Variants in DLC1 observed in about 807,000 individuals in gnomAD.
DLC1 encodes the protein rho GTPase-activating protein 7.
DLC1 carries 54 observed loss-of-function variants against 140.3 expected under a neutral mutation model. That is an observed-to-expected ratio of 0.38 (90% confidence interval 0.31 to 0.48). The LOEUF (loss-of-function observed/expected upper bound fraction) is 0.48, where lower values mean the gene tolerates loss of function less well. Among genes scored for constraint, DLC1 ranks in the 20% least tolerant of loss-of-function variants. The probability of loss-of-function intolerance (pLI) is 0.96; values close to 1 mark genes in which losing one functional copy is unlikely to be tolerated. For synonymous variants in DLC1, 986 were observed against 728.1 expected (o/e 1.35, Z -5.70); for missense variants, 2,536 against 1,907.0 (o/e 1.33, Z -6.14).
chr8:13,356,781 G>A (rs182533905), intron 4 of DLC1, among the ~76,000 whole-genome samples: 4 of 152,076 alleles, frequency 2.6e-5, no homozygotes, highest in African/African-American at 9.7e-5. Flanking sequence ...AGGAATTGGG[G>A]TCTCCGTACT....
chr8:13,592,835 T>G (rs760202035), intron 1 of DLC1, among the ~76,000 whole-genome samples: 3 of 152,128 alleles, frequency 2.0e-5, no homozygotes, highest in Non-Finnish European at 4.4e-5. Flanking sequence ...GATTTGTCTC[T>G]GTTACACACA....
At chr8:13,570,007 C>G (rs1038428434) in intron 1 of DLC1, among the ~76,000 whole-genome samples, 1 of 152,310 alleles carries the variant, frequency 6.6e-6, no homozygotes, top group Non-Finnish European at 1.5e-5. Flanking sequence ...ATTGCAGGCA[C>G]GAGCCACTGT....
intron 4 of DLC1, among the ~76,000 whole-genome samples, chr8:13,307,438 G>T (rs1832492879): frequency 1.3e-5 from 2 of 152,118 alleles, no homozygotes; most frequent in African/African-American, 2.4e-5. Flanking sequence ...TGATCCTACA[G>T]TTTTGGTAAT....
intron 3 of DLC1, among the ~76,000 whole-genome samples, chr8:13,400,176 G>C (rs942841773): frequency 6.6e-6 from 1 of 152,136 alleles, no homozygotes; most frequent in African/African-American, 2.4e-5. Flanking sequence ...TGAGGGCTTT[G>C]GGATATGTCT....
At chr8:13,333,316 C>T (rs576169624) in intron 4 of DLC1, among the ~76,000 whole-genome samples, 2 of 152,200 alleles carry the variant, frequency 1.3e-5, no homozygotes, top group East Asian at 1.9e-4. Flanking sequence ...GCTTGGAACA[C>T]CTGGGCTCAA....
At chr8:13,151,856 G>A (rs1004528339) in intron 5 of DLC1, among the ~76,000 whole-genome samples, 8 of 151,960 alleles carry the variant, frequency 5.3e-5, no homozygotes, top group African/African-American at 7.3e-5. Context: ...ATTTATTGTC[G>A]GTAAAAGTTA....
chr8:13,593,177 C>T (rs946368203), intron 1 of DLC1, among the ~76,000 whole-genome samples: 29 of 152,128 alleles, frequency 1.9e-4, no homozygotes, highest in African/African-American at 7.0e-4. Flanking sequence ...TTATTAGCAG[C>T]AGGCCAAGAG....
chr8:13,154,407 G>C (rs1048372424), intron 5 of DLC1, among the ~76,000 whole-genome samples: 1 of 152,196 alleles, frequency 6.6e-6, no homozygotes, highest in Non-Finnish European at 1.5e-5. Context: ...AGTGCTGGGG[G>C]ACCCGGCGCC....
chr8:13,483,954 G>A lies in DLC1; in HGVS notation c.1023+15095C>T, dbSNP rs552476154. Among the ~76,000 whole-genome samples the A allele has an allele frequency of 3.1e-3, 448 of 145,926 alleles. 8 individuals carry two copies. The highest frequency in any genetic ancestry group is 0.012 in the African/African-American group (439 of 38,136). ...GAAAAAAGCCAGGTGTGGTAGCATC[G>A]CCTGTAGTCTAGCTACTAGGGAGGC... On this transcript the variant is annotated intron_variant, in intron 2 of 17. Coordinates refer to ENST00000276297, the MANE Select transcript of DLC1 (RefSeq NM_182643.3).
intron 4 of DLC1, among the ~76,000 whole-genome samples, chr8:13,385,750 C>T (rs1176659447): frequency 6.6e-6 from 1 of 152,140 alleles, no homozygotes; most frequent in African/African-American, 2.4e-5. Flanking sequence ...TCTGTGTAAA[C>T]TTTGTATATT....
At chr8:13,225,091 T>C (rs2117174289) in intron 5 of DLC1, among the ~76,000 whole-genome samples, 1 of 152,330 alleles carries the variant, frequency 6.6e-6, no homozygotes, top group South Asian at 2.1e-4. Context: ...TAGAGGATGT[T>C]TGATAGGGCA....
At chr8:13,266,747 AAAAAC>A (rs1364962340) in intron 5 of DLC1, among the ~76,000 whole-genome samples, 1 of 152,108 alleles carries the variant, frequency 6.6e-6, no homozygotes, top group African/African-American at 2.4e-5. Context: ...TTAGTATTAA[AAAAAC>A]AAAACAAAAC....
In DLC1 at chr8:13,092,784, T is replaced by G; in HGVS notation, c.3568A>C (p.Ile1190Leu). ...DQRLQAIKAAIMLLPDENREV... is the reference protein window; with the variant it reads ...DQRLQAIKAALMLLPDENREV... ...CGGTTCTCGTCAGGCAGCAGCATGA[T>G]GGCAGCCTTGATGGCCTGCAGGCGC... The change falls in exon 13 of 18, where the codon ATC becomes CTC. Residue 1190 changes from isoleucine (I) to leucine (L), a missense_variant. By Grantham distance (5) the Ile-to-Leu change is conservative (BLOSUM62 2). Coordinates refer to ENST00000276297, the MANE Select transcript of DLC1 (RefSeq NM_182643.3). 1 of 1,614,088 alleles carries G rather than the reference T, an allele frequency of 6.2e-7. No individual in the cohort carries two copies. The highest frequency in any genetic ancestry group is 8.5e-7 in the Non-Finnish European group (1 of 1,179,996).
At chr8:13,323,210 A>G (rs533449056) in intron 4 of DLC1, among the ~76,000 whole-genome samples, 1 of 152,344 alleles carries the variant, frequency 6.6e-6, no homozygotes, top group East Asian at 1.9e-4. Flanking sequence ...TTATGGGGAA[A>G]TTTGCTATGC....
At chr8:13,423,152 C>G (rs1838393969) in intron 2 of DLC1, among the ~76,000 whole-genome samples, 4 of 152,136 alleles carry the variant, frequency 2.6e-5, no homozygotes. Context: ...CCTTGTCTAC[C>G]AAGTTTGGCA....
chr8:13,235,685 G>A (rs138153875), intron 5 of DLC1, among the ~76,000 whole-genome samples: 1 of 151,776 alleles, frequency 6.6e-6, no homozygotes, highest in African/African-American at 2.4e-5. Flanking sequence ...ATTAAATCTT[G>A]CCCCAGAAAT....
At chr8:13,280,089 C>A (rs1410425952) in intron 5 of DLC1, among the ~76,000 whole-genome samples, 3 of 150,174 alleles carry the variant, frequency 2.0e-5, no homozygotes, top group Admixed American at 6.7e-5. Context: ...ACCATCCTGG[C>A]TAACACAGTG....
chr8:13,429,996 A>G (rs1220705032), intron 2 of DLC1, among the ~76,000 whole-genome samples: 1 of 152,178 alleles, frequency 6.6e-6, no homozygotes, highest in Non-Finnish European at 1.5e-5. Flanking sequence ...TAAACATTAG[A>G]TTCACCTCGA....
chr8:13,106,059 T>TAG (rs1819538324), intron 7 of DLC1, among the ~76,000 whole-genome samples: 1 of 152,176 alleles, frequency 6.6e-6, no homozygotes, highest in Non-Finnish European at 1.5e-5. Context: ...GTGTCCCTCT[T>TAG]ATCTCCTGGG....
Sources: gnomAD v4.1 joint callset for allele counts (sites outside exome capture counted in the v4.1 genomes callset) on GRCh38, gnomAD v4.1.1 for gene constraint, MANE v1.5 for transcripts, NCBI Gene and HGNC (gene_info 2026-07-23, HGNC 2026-07-21) for gene names.